Variants in MDGA2 observed in about 807,000 individuals in gnomAD.
MDGA2 encodes the protein MAM domain-containing glycosylphosphatidylinositol anchor protein 2.
In MDGA2, 40 loss-of-function variants were observed where a neutral mutation model predicts 117.8. The ratio of observed to expected loss-of-function variants is 0.34; its 90% confidence interval spans 0.26 to 0.44. MDGA2 has a LOEUF of 0.44. MDGA2 is among the 20% of genes least tolerant of loss of function. The pLI, the probability that MDGA2 is intolerant of heterozygous loss-of-function variation, is 1.00. For missense variants in MDGA2, 1,123 were observed against 1,250.6 expected (o/e 0.90, Z 1.54); for synonymous variants, 452 against 439.0 (o/e 1.03, Z -0.37).
chr14:47,582,063 T>C (rs1361998361), intron 1 of MDGA2, among the ~76,000 whole-genome samples: 1 of 151,912 alleles, frequency 6.6e-6, no homozygotes, highest in African/African-American at 2.4e-5. Flanking sequence ...TAGTGCCAAG[T>C]AAGATAACAG....
intron 1 of MDGA2, among the ~76,000 whole-genome samples, chr14:47,408,445 G>A (rs1892305823): frequency 6.6e-6 from 1 of 152,204 alleles, no homozygotes; most frequent in African/African-American, 2.4e-5. Flanking sequence ...TAAAGGAGGT[G>A]AGGCAGAGGG....
At chr14:47,166,352 C>T (rs1304029196) in intron 3 of MDGA2, among the ~76,000 whole-genome samples, 1 of 152,032 alleles carries the variant, frequency 6.6e-6, no homozygotes, top group South Asian at 2.1e-4. Flanking sequence ...CTATTTTAAC[C>T]TTTAATTCAT....
intron 5 of MDGA2, among the ~76,000 whole-genome samples, chr14:47,097,340 A>G (rs1012003224): frequency 6.6e-5 from 10 of 152,084 alleles, no homozygotes; most frequent in Non-Finnish European, 1.5e-4. Flanking sequence ...AATCTTACAC[A>G]TAGAAAGGGG....
chr14:47,218,780 G>A (rs1291868957), intron 2 of MDGA2, among the ~76,000 whole-genome samples: 1 of 151,924 alleles, frequency 6.6e-6, no homozygotes, highest in Admixed American at 6.6e-5. Flanking sequence ...TGTCTATTTT[G>A]ATCATCAGTA....
At chr14:47,098,420 C>G (rs1466895794) in intron 5 of MDGA2, among the ~76,000 whole-genome samples, 1 of 151,604 alleles carries the variant, frequency 6.6e-6, no homozygotes, top group Non-Finnish European at 1.5e-5. Flanking sequence ...TTTAAAATGT[C>G]ATACTATTAG....
intron 2 of MDGA2, among the ~76,000 whole-genome samples, chr14:47,299,056 G>A (rs1320261796): frequency 6.6e-6 from 1 of 151,702 alleles, no homozygotes; most frequent in African/African-American, 2.4e-5. Context: ...ATTACTTCTA[G>A]GAATAAAAAA....
chr14:47,577,925 T>C (rs1007019237), intron 1 of MDGA2, among the ~76,000 whole-genome samples: 1 of 152,154 alleles, frequency 6.6e-6, no homozygotes, highest in African/African-American at 2.4e-5. Context: ...ACTGGGTATA[T>C]ACCCAAAGGA....
chr14:47,353,868 C>T (rs1307137821), intron 1 of MDGA2, among the ~76,000 whole-genome samples: 1 of 151,978 alleles, frequency 6.6e-6, no homozygotes, highest in Non-Finnish European at 1.5e-5. Context: ...AAACTACAGG[C>T]CAATATTACT....
intron 8 of MDGA2, among the ~76,000 whole-genome samples, chr14:47,007,410 C>T (rs1392520040): frequency 6.6e-6 from 1 of 151,674 alleles, no homozygotes; most frequent in Non-Finnish European, 1.5e-5. Context: ...TGTAGGGTTT[C>T]ATGCATCTGG....
chr14:47,075,323 CCCTCACTTCCACAA>C (rs1890451644), intron 6 of MDGA2, among the ~76,000 whole-genome samples: 1 of 152,168 alleles, frequency 6.6e-6, no homozygotes, highest in Non-Finnish European at 1.5e-5. Flanking sequence ...TTCCTGAGCA[CCCTCACTTCCACAA>C]AGTAAGTTGT....
chr14:47,123,113 T>A (rs998235926), intron 5 of MDGA2, among the ~76,000 whole-genome samples: 1 of 152,100 alleles, frequency 6.6e-6, no homozygotes, highest in Non-Finnish European at 1.5e-5. Context: ...GCTTTTAGTG[T>A]TGTCTTTCAT....
At chr14:47,126,789 C>G (rs1881925597) in intron 5 of MDGA2, among the ~76,000 whole-genome samples, 1 of 152,032 alleles carries the variant, frequency 6.6e-6, no homozygotes, top group Non-Finnish European at 1.5e-5. Context: ...TCTAGTTCAG[C>G]AGGTATGGGA....
intron 8 of MDGA2, among the ~76,000 whole-genome samples, chr14:46,973,901 TTA>T (rs920687214): frequency 9.4e-4 from 11 of 11,734 alleles, no homozygotes; most frequent in African/African-American, 4.3e-3. Flanking sequence ...TAAATTATTG[TTA>T]TTTTTTTTTT....
chr14:47,453,906 G>A (rs994403561), intron 1 of MDGA2, among the ~76,000 whole-genome samples: 20 of 152,170 alleles, frequency 1.3e-4, no homozygotes, highest in African/African-American at 4.8e-4. Context: ...ACTAGAGTTA[G>A]CTGATGAAAT....
At chr14:47,502,086 T>C (rs1486418342) in intron 1 of MDGA2, among the ~76,000 whole-genome samples, 1 of 152,174 alleles carries the variant, frequency 6.6e-6, no homozygotes, top group African/African-American at 2.4e-5. Flanking sequence ...TATATTAATT[T>C]ATAAGTTGAC....
At chr14:46,897,657 AAGAAT>A (rs536047511) in intron 10 of MDGA2, among the ~76,000 whole-genome samples, 92,619 of 150,272 alleles carry the variant, frequency 0.62, 29,656 homozygotes, top group Admixed American at 0.73. Flanking sequence ...AACAGTAAGT[AAGAAT>A]TATACAAGTG....
intron 3 of MDGA2, among the ~76,000 whole-genome samples, chr14:47,172,887 G>A (rs1225330742): frequency 6.6e-6 from 1 of 152,156 alleles, no homozygotes; most frequent in Non-Finnish European, 1.5e-5. Context: ...AGGCAAAGAA[G>A]TTAAAAACTT....
chr14:47,461,593 C>A (rs1010785099), intron 1 of MDGA2, among the ~76,000 whole-genome samples: 1 of 151,890 alleles, frequency 6.6e-6, no homozygotes, highest in South Asian at 2.1e-4. Flanking sequence ...CTGTGCTCAG[C>A]AGTTCAAATA....
At chr14:47,379,144 T>C (rs1177792779) in intron 1 of MDGA2, among the ~76,000 whole-genome samples, 4 of 152,056 alleles carry the variant, frequency 2.6e-5, no homozygotes, top group African/African-American at 9.7e-5. Context: ...AGAAATAAAA[T>C]CCTTTACAGA....
Sources: allele counts gnomAD v4.1 joint callset (sites outside exome capture counted in the v4.1 genomes callset), GRCh38; gene constraint gnomAD v4.1.1; transcripts MANE v1.5; gene names NCBI Gene and HGNC (gene_info 2026-07-23, HGNC 2026-07-21).